DRD4: variants seen among roughly 807,000 people sequenced by gnomAD.
The protein encoded by DRD4 is dopamine receptor D4.
DRD4 carries 26 observed loss-of-function variants against 22.1 expected under a neutral mutation model. The ratio of observed to expected loss-of-function variants is 1.17; its 90% confidence interval spans 0.86 to 1.63. The LOEUF is 1.63. DRD4 is among the 40% of genes most tolerant of loss of function. DRD4 has a pLI of 0.00. For missense variants in DRD4, 913 were observed against 632.4 expected, an observed-to-expected ratio of 1.44 and a Z score of -4.76; for synonymous variants, 455 against 306.7, an observed-to-expected ratio of 1.48 and a Z score of -5.05.
In DRD4 at chr11:637,373, T is replaced by G. The variant is rs956983830; in HGVS notation, c.69T>G (p.Ser23=). 4 of 1,173,572 alleles carry G rather than the reference T, an allele frequency of 3.4e-6. No individual in the cohort carries two copies. Among genetic ancestry groups the G allele is most frequent in the Non-Finnish European group, 3.3e-6 (3 of 919,560 alleles). The allele number at this position is 1,173,572 out of a possible 1,614,324, so 72.7% of individuals were successfully genotyped here. A position where few individuals can be genotyped will look rare whatever the true frequency, so the allele number is the denominator to read the frequency against. Residue 23 remains serine, a synonymous_variant, in exon 1 of 4, where the codon TCT becomes TCG. Transcript: ENST00000176183. Reference sequence around the variant, plus strand: ...GGCGCGGGCCGGCCGCGGGGGCATCTGCGGGGGCATCTGCGGGGCTGGCTG... The same window carrying G: ...GGCGCGGGCCGGCCGCGGGGGCATCGGCGGGGGCATCTGCGGGGCTGGCTG... The part of the protein sequence containing the change: ...LAGRGPAAGA[S]AGASAGLAGQ...
rs577139102 is a variant in DRD4, at chr11:637,504, C to T, written c.200C>T (p.Thr67Met). 109 of 1,559,392 alleles carry T rather than the reference C, an allele frequency of 7.0e-5. 4 individuals carry two copies. The South Asian group carries it at 9.1e-4, about 13-fold the overall frequency. Reference sequence around the variant, plus strand: ...GTGGCCACCGAGCGCGCCCTGCAGACGCCCACCAACTCCTTCATCGTGAGC... The same window carrying T: ...GTGGCCACCGAGCGCGCCCTGCAGATGCCCACCAACTCCTTCATCGTGAGC... ...VSVATERALQ[T>M]PTNSFIVSLA... The change falls in exon 1 of 4, where the codon ACG (threonine) becomes ATG (methionine). Residue 67 changes from threonine (T) to methionine (M), a missense_variant. Transcript: ENST00000176183.
rs150331478 is a variant in DRD4, at chr11:639,929, G to A, written c.680G>A (p.Arg227His). ...CTGCAGCGCTGGGAGGTGGCACGTC[G>A]CGCCAAGCTGCACGGCCGCGCGCCC... is the stretch of plus-strand genomic sequence containing the variant. ...RGLQRWEVAR[R>H]AKLHGRAPRR... is the part of the protein sequence containing the mutation. The change falls in exon 3 of 4, where the codon CGC (arginine) becomes CAC (histidine). Residue 227 changes from arginine (R) to histidine (H), a missense_variant. Physicochemically the swap from Arg to His is conservative, Grantham distance 29 (BLOSUM62 0). Transcript: ENST00000176183. 67 of 1,543,464 alleles carry A rather than the reference G, an allele frequency of 4.3e-5. No homozygotes were observed. Among genetic ancestry groups the A allele is most frequent in the East Asian group, 7.6e-5 (3 of 39,528 alleles).
chr11:637,777 C>T (rs954044043), intron 1 of DRD4, among the ~76,000 whole-genome samples, 188 bp downstream of exon 1: 1 of 152,244 alleles, frequency 6.6e-6, no homozygotes, highest in African/African-American at 2.4e-5. Flanking sequence ...CTTCCACCCG[C>T]TGCGCTGTCT....
Position 639,781 on chromosome 11 carries a change from C to T in DRD4, c.532C>T (p.Arg178Cys), listed in dbSNP as rs1564913381. 1.9e-6 allele frequency: 3 copies of T among 1,577,976 alleles called. No individual in the cohort carries two copies. The highest frequency in any genetic ancestry group is 2.2e-5 in the South Asian group (2 of 88,902). ...APVLCGLNDV[R>C]GRDPAVCRLE... ...CGTACTGTGCGGCCTCAACGACGTG[C>T]GCGGCCGCGACCCCGCCGTGTGCCG... Residue 178 changes from arginine to cysteine, a missense_variant, in exon 3 of 4, where the codon CGC becomes TGC. By Grantham distance (180) the Arg-to-Cys change is radical. Coordinates refer to ENST00000176183, the MANE Select transcript of DRD4 (RefSeq NM_000797.4).
At chr11:637,993 AC>A (rs1858103910) in intron 1 of DRD4, among the ~76,000 whole-genome samples, 1 of 152,052 alleles carries the variant, frequency 6.6e-6, no homozygotes, top group Non-Finnish European at 1.5e-5. Flanking sequence ...TGGGACACAC[AC>A]ACACACACAC....
At chr11:637,851 G>A (rs2133248217) in intron 1 of DRD4, among the ~76,000 whole-genome samples, 2 of 152,312 alleles carry the variant, frequency 1.3e-5, no homozygotes, top group Middle Eastern at 3.4e-3. Flanking sequence ...TCCAGGAGAT[G>A]CCCGTCCTTC....
In DRD4 at chr11:640,570, C is replaced by G. The variant is rs1564914643; in HGVS notation, c.1227C>G (p.Asn409Lys). Residue 409 changes from asparagine to lysine, a missense_variant, in exon 4 of 4, where the codon AAC becomes AAG. Physicochemically the swap from Asn to Lys is moderately conservative, Grantham distance 94. Coordinates refer to ENST00000176183, the MANE Select transcript of DRD4 (RefSeq NM_000797.4). ...CTGTCTTCAACGCCGAGTTCCGCAA[C>G]GTCTTCCGCAAGGCCCTGCGTGCCT... Reference protein sequence around the residue: ...IYTVFNAEFRNVFRKALRACC With the variant: ...IYTVFNAEFRKVFRKALRACC 6.2e-7 allele frequency: 1 copy of G among 1,600,130 alleles called. No individual in the cohort carries two copies. The highest frequency in any genetic ancestry group is 8.5e-7 in the Non-Finnish European group (1 of 1,179,852).
intron 1 of DRD4, 95 bp from the exon 2 acceptor site, chr11:639,338 C>G (rs760166544): frequency 1.1e-5 from 13 of 1,201,900 alleles, no homozygotes; most frequent in Non-Finnish European, 1.4e-5. Flanking sequence ...CCCCCTTCTC[C>G]GTATTCAGCC....
At chr11:638,451 G>A (rs1009588057) in intron 1 of DRD4, among the ~76,000 whole-genome samples, 1 of 152,168 alleles carries the variant, frequency 6.6e-6, no homozygotes, top group African/African-American at 2.4e-5. Flanking sequence ...TCCCCAAATC[G>A]GCGGGAAGGA....
rs748924787 is a variant in DRD4 at position 639,733 on chromosome 11, C to T, written c.484C>T (p.Leu162=). 10 of 1,523,568 alleles carry T rather than the reference C, an allele frequency of 6.6e-6. No individual in the cohort carries two copies. Among genetic ancestry groups the T allele is most frequent in the African/African-American group, 2.9e-5 (2 of 69,894 alleles). The allele number at this position is 1,523,568 out of a possible 1,614,324, so 94.4% of individuals were successfully genotyped here. Residue 162 remains leucine, a synonymous_variant, in exon 3 of 4, where the codon CTG becomes TTG. Transcript: ENST00000176183. ...GCTGCTCATCGGCGCCACGTGGCTG[C>T]TGTCCGCGGCGGTGGCGGCGCCCGT... ...QLLLIGATWL[L]SAAVAAPVLC...
At position 639,939 on chromosome 11, in the gene DRD4, G is replaced by T. The variant is rs374957955; in HGVS notation, c.690G>T (p.Leu230=). ...GGGAGGTGGCACGTCGCGCCAAGCTGCACGGCCGCGCGCCCCGCCGACCCA... is the reference window on the plus strand; with the variant it reads ...GGGAGGTGGCACGTCGCGCCAAGCTTCACGGCCGCGCGCCCCGCCGACCCA... ...QRWEVARRAK[L]HGRAPRRPSG... is the part of the protein sequence containing the mutation. Residue 230 remains leucine (L), a synonymous_variant, in exon 3 of 4, where the codon CTG becomes CTT. Transcript: ENST00000176183. 3 of 1,473,578 alleles carry T rather than the reference G, an allele frequency of 2.0e-6. No homozygotes were observed. The highest frequency in any genetic ancestry group is 2.4e-4 in the Middle Eastern group (1 of 4,184). 91.3% of individuals were successfully genotyped at this position (1,473,578 alleles called of 1,614,324 possible). A position where few individuals can be genotyped will look rare whatever the true frequency, so the allele number is the denominator to read the frequency against.
chr11:639,631 C>A lies in DRD4; in HGVS notation c.399-17C>A. ...CGGCCTGTGCGCTGTCCGGCGCCCCCTCGGCGCTCCCCGCAGGTTCGTGGC... is the reference window on the plus strand; with the variant it reads ...CGGCCTGTGCGCTGTCCGGCGCCCCATCGGCGCTCCCCGCAGGTTCGTGGC... On this transcript the variant is annotated splice_polypyrimidine_tract_variant and intron_variant, in intron 2 of 3. Coordinates refer to ENST00000176183, the MANE Select transcript of DRD4 (RefSeq NM_000797.4). 1.4e-6 allele frequency: 2 copies of A among 1,420,484 alleles called. No individual in the cohort carries two copies. The highest frequency in any genetic ancestry group is 2.6e-5 in the Admixed American group (1 of 38,270). The allele number at this position is 1,420,484 out of a possible 1,614,324, so 88.0% of individuals were successfully genotyped here.
Position 639,476 on chromosome 11 carries a change from C to A in DRD4, c.329C>A (p.Ala110Asp), listed in dbSNP as rs994013103. 6.2e-7 allele frequency: 1 copy of A among 1,603,010 alleles called. No individual in the cohort carries two copies. ...AWLLSPRLCD[A>D]LMAMDVMLCT... The stretch of plus-strand genomic sequence containing the variant: ...CTGCTGAGCCCCCGCCTGTGCGACG[C>A]CCTCATGGCCATGGACGTCATGCTG... Residue 110 changes from alanine to aspartate, a missense_variant, in exon 2 of 4, where the codon GCC (alanine) becomes GAC (aspartate). Coordinates refer to ENST00000176183, the MANE Select transcript of DRD4 (RefSeq NM_000797.4).
intron 3 of DRD4, 22 bp downstream of exon 3, chr11:640,328 C>T (rs779620136): frequency 1.6e-5 from 17 of 1,094,192 alleles, no homozygotes; most frequent in East Asian, 1.4e-4. Context: ...TCCTGAGGGG[C>T]GGGGAGGAGA....
chr11:638,080 G>T (rs1858107747), intron 1 of DRD4, among the ~76,000 whole-genome samples: 1 of 152,212 alleles, frequency 6.6e-6, no homozygotes, highest in Non-Finnish European at 1.5e-5. Flanking sequence ...ACAGCTCGCA[G>T]GGGAGACCTG....
Position 640,533 on chromosome 11 carries a change from C to A in DRD4, c.1190C>A (p.Pro397His). 2 of 1,600,780 alleles carry A rather than the reference C, an allele frequency of 1.2e-6. No homozygotes were observed. The highest frequency in any genetic ancestry group is 2.7e-5 in the African/African-American group (2 of 75,044). Residue 397 changes from proline (P) to histidine (H), a missense_variant, in exon 4 of 4, where the codon CCC (proline) becomes CAC (histidine). Coordinates refer to ENST00000176183, the MANE Select transcript of DRD4 (RefSeq NM_000797.4). ...GGCTACGTCAACAGCGCCCTCAACCCCGTCATCTACACTGTCTTCAACGCC... is the reference window on the plus strand; with the variant it reads ...GGCTACGTCAACAGCGCCCTCAACCACGTCATCTACACTGTCTTCAACGCC... The part of the protein sequence containing the change: ...WLGYVNSALN[P>H]VIYTVFNAEF...
In DRD4 at chr11:639,834, C is replaced by G; in HGVS notation, c.585C>G (p.Tyr195Ter). The part of the protein sequence containing the change: ...CRLEDRDYVV[Y>*]SSVCSFFLPC... ...TGGAGGACCGCGACTACGTGGTCTACTCGTCCGTGTGCTCCTTCTTCCTAC... is the reference window on the plus strand; with the variant it reads ...TGGAGGACCGCGACTACGTGGTCTAGTCGTCCGTGTGCTCCTTCTTCCTAC... Residue 195 changes from tyrosine to a stop codon, truncating the protein, a stop_gained, in exon 3 of 4, where the codon TAC becomes TAG. Coordinates refer to ENST00000176183, the MANE Select transcript of DRD4 (RefSeq NM_000797.4). LOFTEE classifies it high-confidence loss of function. 1 of 1,586,196 alleles carries G rather than the reference C, an allele frequency of 6.3e-7. No homozygotes were observed. Among genetic ancestry groups the G allele is most frequent in the Admixed American group, 1.7e-5 (1 of 59,076 alleles).
rs936463 is a variant in DRD4 at position 640,432 on chromosome 11, C to T, written c.1089C>T (p.Phe363=). The T allele has an allele frequency of 8.1e-6, 13 of 1,600,964 alleles. No individual in the cohort carries two copies. Among genetic ancestry groups the T allele is most frequent in the Middle Eastern group, 1.6e-4 (1 of 6,062 alleles). ...GAFLLCWTPF[F]VVHITQALCP... ...TCCTGCTGTGCTGGACGCCCTTCTT[C>T]GTGGTGCACATCACGCAGGCGCTGT... The change falls in exon 4 of 4, where the codon TTC becomes TTT. Residue 363 remains phenylalanine, a synonymous_variant. Transcript: ENST00000176183.
In DRD4 at chr11:639,926, G is replaced by T. The variant is rs922089345; in HGVS notation, c.677G>T (p.Arg226Leu). 5 of 1,547,884 alleles carry T rather than the reference G, an allele frequency of 3.2e-6. No homozygotes were observed. Among genetic ancestry groups the T allele is most frequent in the Non-Finnish European group, 4.3e-6 (5 of 1,155,980 alleles). ...GGCCTGCAGCGCTGGGAGGTGGCAC[G>T]TCGCGCCAAGCTGCACGGCCGCGCG... ...FRGLQRWEVA[R>L]RAKLHGRAPR... Residue 226 changes from arginine (R) to leucine (L), a missense_variant, in exon 3 of 4, where the codon CGT (arginine) becomes CTT (leucine). Arg to Leu is a moderately radical substitution (Grantham distance 102). Coordinates refer to ENST00000176183, the MANE Select transcript of DRD4 (RefSeq NM_000797.4).
Sources: allele counts gnomAD v4.1 joint callset (sites outside exome capture counted in the v4.1 genomes callset), GRCh38; gene constraint gnomAD v4.1.1; transcripts MANE v1.5; gene names NCBI Gene and HGNC (gene_info 2026-07-23, HGNC 2026-07-21).